MAGI1: variants seen among roughly 807,000 people sequenced by gnomAD.
The protein encoded by MAGI1 is membrane-associated guanylate kinase, WW and PDZ domain-containing protein 1.
A neutral mutation model predicts 139.9 loss-of-function variants in MAGI1; 58 were observed. That is an observed-to-expected ratio of 0.41 (90% CI 0.34 to 0.52). MAGI1 has a LOEUF of 0.52. MAGI1 is among the 20% of genes least tolerant of loss of function. The pLI, the probability that MAGI1 is intolerant of heterozygous loss-of-function variation, is 0.12. For missense variants in MAGI1, 1,874 were observed against 1,901.6 expected (o/e 0.99, Z 0.27); for synonymous variants, 812 against 737.9 (o/e 1.10, Z -1.63).
At chr3:65,968,472 T>C (rs574870348) in intron 1 of MAGI1, among the ~76,000 whole-genome samples, 1 of 151,940 alleles carries the variant, frequency 6.6e-6, no homozygotes, top group Non-Finnish European at 1.5e-5. Flanking sequence ...TTGGTGCTGA[T>C]GGAAAAAGAG....
chr3:65,940,267 A>T (rs2063244723), intron 1 of MAGI1, among the ~76,000 whole-genome samples: 1 of 152,216 alleles, frequency 6.6e-6, no homozygotes, highest in Non-Finnish European at 1.5e-5. Context: ...CTCTCACAAG[A>T]AATTAGGGGA....
At chr3:65,836,543 G>T (rs539435686) in intron 1 of MAGI1, among the ~76,000 whole-genome samples, 5 of 152,078 alleles carry the variant, frequency 3.3e-5, no homozygotes, top group African/African-American at 1.2e-4. Flanking sequence ...GAAAGAGGCC[G>T]GGCGCGGTGG....
At chr3:65,838,154 AC>A (rs2058689507) in intron 1 of MAGI1, among the ~76,000 whole-genome samples, 1 of 152,104 alleles carries the variant, frequency 6.6e-6, no homozygotes, top group Non-Finnish European at 1.5e-5. Flanking sequence ...TACTAAAAAT[AC>A]AAAAAAATTA....
intron 2 of MAGI1, among the ~76,000 whole-genome samples, chr3:65,512,885 A>C (rs573257463): frequency 0.017 from 2,529 of 151,748 alleles, 28 homozygotes; most frequent in Non-Finnish European, 0.027. Context: ...ATCCTTGATG[A>C]ACATTGATGA....
chr3:65,970,366 C>T (rs1016481964), intron 1 of MAGI1, among the ~76,000 whole-genome samples: 1 of 151,784 alleles, frequency 6.6e-6, no homozygotes, highest in African/African-American at 2.4e-5. Context: ...AATATGTAAT[C>T]GATAAAGAGT....
In MAGI1 at chr3:66,009,975, C is replaced by T. The variant is rs1390540552; in HGVS notation, c.313+28021G>A. On this transcript the variant is annotated intron_variant, in intron 1 of 22. Coordinates refer to ENST00000402939, the MANE Select transcript of MAGI1 (RefSeq NM_001033057.2). The stretch of plus-strand genomic sequence containing the variant: ...CCTGTAATCCCAGTTACTCAGCAGG[C>T]TGAGGTAGGAGAATCGCTTGAACCC... 2.1e-5 allele frequency among the ~76,000 whole-genome samples: 3 copies of T among 141,988 alleles called. No homozygotes were observed. In the East Asian group the frequency reaches 6.9e-4, roughly 33 times the overall value. The allele number at this position is 141,988 out of a possible 152,430, so 93.1% of individuals were successfully genotyped here.
chr3:65,608,290 A>C (rs1442082004), intron 2 of MAGI1, among the ~76,000 whole-genome samples: 1 of 152,122 alleles, frequency 6.6e-6, no homozygotes, highest in Non-Finnish European at 1.5e-5. Context: ...AAAAATACAA[A>C]ATTAGCCAGG....
In MAGI1 at chr3:65,982,529, T is replaced by C. The variant is rs140488859; in HGVS notation, c.313+55467A>G. On this transcript the variant is annotated intron_variant, in intron 1 of 22. Transcript: ENST00000402939. ...TGCCAGAATACAGCTGTAAAAATGA[T>C]GGTATATTTTAAATATCAATACCTA... Among the ~76,000 whole-genome samples the C allele has an allele frequency of 3.3e-3, 506 of 152,312 alleles. 4 individuals carry two copies. Among genetic ancestry groups the C allele is most frequent in the Middle Eastern group, 0.014 (4 of 294 alleles).
intron 6 of MAGI1, among the ~76,000 whole-genome samples, chr3:65,448,938 T>C (rs1948845853): frequency 6.6e-6 from 1 of 152,106 alleles, no homozygotes; most frequent in Admixed American, 6.5e-5. Context: ...GTGGCTCCTA[T>C]AAGCTTCACA....
At chr3:65,424,108 T>C (rs538887983) in intron 12 of MAGI1, among the ~76,000 whole-genome samples, 33 of 152,316 alleles carry the variant, frequency 2.2e-4, no homozygotes, top group South Asian at 1.7e-3. Context: ...TTCTTGGGCA[T>C]GTGTGTGTGC....
At chr3:65,625,653 T>C (rs1347092932) in intron 1 of MAGI1, among the ~76,000 whole-genome samples, 2 of 152,180 alleles carry the variant, frequency 1.3e-5, no homozygotes, top group African/African-American at 4.8e-5. Context: ...AATTATGATG[T>C]TGTTGAATGG....
chr3:65,537,347 C>T (rs2079005911), intron 2 of MAGI1, among the ~76,000 whole-genome samples: 1 of 152,170 alleles, frequency 6.6e-6, no homozygotes, highest in African/African-American at 2.4e-5. Flanking sequence ...CAGGAGCAGG[C>T]ACTCCCTTCT....
chr3:65,724,919 A>G (rs1330542269), intron 1 of MAGI1, among the ~76,000 whole-genome samples: 1 of 152,132 alleles, frequency 6.6e-6, no homozygotes, highest in Non-Finnish European at 1.5e-5. Context: ...GGTCCCTCCC[A>G]CAACACTCGG....
intron 1 of MAGI1, among the ~76,000 whole-genome samples, chr3:65,940,924 T>C (rs2063284420): frequency 6.6e-6 from 1 of 152,174 alleles, no homozygotes. Flanking sequence ...GTATTACAGT[T>C]TTCCTGGCAA....
intron 12 of MAGI1, among the ~76,000 whole-genome samples, chr3:65,407,187 C>T (rs941454229): frequency 6.6e-6 from 1 of 152,172 alleles, no homozygotes; most frequent in African/African-American, 2.4e-5. Context: ...AGGCTCATTC[C>T]TGTAATCCCA....
intron 1 of MAGI1, among the ~76,000 whole-genome samples, chr3:65,891,215 C>A (rs59277792): frequency 0.17 from 17,292 of 101,912 alleles, 1,115 homozygotes; most frequent in Middle Eastern, 0.24. Flanking sequence ...AAAACACACA[C>A]AAAAAAAAAA....
At chr3:65,580,625 A>G (rs899501253) in intron 2 of MAGI1, among the ~76,000 whole-genome samples, 1 of 152,208 alleles carries the variant, frequency 6.6e-6, no homozygotes, top group Non-Finnish European at 1.5e-5. Flanking sequence ...TTCTGCACAT[A>G]AAGTAAATAT....
chr3:65,921,762 G>C (rs180911711), intron 1 of MAGI1, among the ~76,000 whole-genome samples: 2 of 152,162 alleles, frequency 1.3e-5, no homozygotes, highest in African/African-American at 4.8e-5. Flanking sequence ...ATTGACAATT[G>C]TCTGTAGCCT....
At chr3:65,753,526 A>G (rs1350724904) in intron 1 of MAGI1, among the ~76,000 whole-genome samples, 1 of 152,064 alleles carries the variant, frequency 6.6e-6, no homozygotes, top group East Asian at 1.9e-4. Flanking sequence ...GTTCGAGACC[A>G]GCCTGACCAA....
Sources: allele counts gnomAD v4.1 joint callset (sites outside exome capture counted in the v4.1 genomes callset), GRCh38; gene constraint gnomAD v4.1.1; transcripts MANE v1.5; gene names NCBI Gene and HGNC (gene_info 2026-07-23, HGNC 2026-07-21).